Variants in PLCG2 observed in about 807,000 individuals in gnomAD.
PLCG2 encodes the protein 1-phosphatidylinositol 4,5-bisphosphate phosphodiesterase gamma-2.
PLCG2 carries 69 observed loss-of-function variants against 175.6 expected under a neutral mutation model. The observed-to-expected ratio is 0.39, with a 90% CI of 0.32 to 0.48. PLCG2 has a LOEUF of 0.48. Ranked by LOEUF, PLCG2 falls within the 20% of genes least tolerant of loss-of-function variation. PLCG2 has a pLI of 0.91. For missense variants in PLCG2, 1,798 were observed against 1,650.9 expected, an observed-to-expected ratio of 1.09 and a Z score of -1.54; for synonymous variants, 827 against 624.0, an observed-to-expected ratio of 1.33 and a Z score of -4.85.
chr16:81,922,245 TATGGCACTAACTCAC>T (rs1403328480), intron 21 of PLCG2, among the ~76,000 whole-genome samples: 3 of 152,236 alleles, frequency 2.0e-5, no homozygotes, highest in Non-Finnish European at 4.4e-5. Context: ...CATCATGCAC[TATGGCACTAACTCAC>T]ATTGATGGAT....
At chr16:81,854,417 A>C in intron 2 of PLCG2, 27 bp from the exon 3 acceptor site, 1 of 1,610,708 alleles carries the variant, frequency 6.2e-7, no homozygotes, top group Non-Finnish European at 8.5e-7. Flanking sequence ...TCCAGCTTCT[A>C]ATTGGCTCAT....
At chr16:81,776,091 T>C (rs571452351), upstream of PLCG2, among the ~76,000 whole-genome samples, 3 of 45,706 alleles carry the variant, frequency 6.6e-5, no homozygotes, top group Non-Finnish European at 1.7e-4. Flanking sequence ...CTCTCTCTCT[T>C]TCTTTCTTTT....
intron 31 of PLCG2, among the ~76,000 whole-genome samples, chr16:81,955,090 C>T (rs908567990): frequency 9.9e-5 from 15 of 152,202 alleles, no homozygotes; most frequent in African/African-American, 3.6e-4. Context: ...CCCAATGCCT[C>T]ACTTGATACA....
In PLCG2 at chr16:81,891,525, C is replaced by G; in HGVS notation, c.921C>G (p.Asp307Glu). 6.2e-7 allele frequency: 1 copy of G among 1,612,406 alleles called. No individual in the cohort carries two copies. The highest frequency in any genetic ancestry group is 1.1e-5 in the South Asian group (1 of 91,052). The change falls in exon 11 of 33, where the codon GAC (aspartate) becomes GAG (glutamate). Residue 307 changes from aspartate (D) to glutamate (E), a missense_variant. By Grantham distance (45) the Asp-to-Glu change is conservative (BLOSUM62 2). Coordinates refer to ENST00000564138, the MANE Select transcript of PLCG2 (RefSeq NM_002661.5). ...ACAGCATCTGGGATGAGAAGTATGA[C>G]GCGGTGGACATGCAGGACATGAACA... ...RENSIWDEKYDAVDMQDMNNP... is the reference protein window; with the variant it reads ...RENSIWDEKYEAVDMQDMNNP...
intron 13 of PLCG2, among the ~76,000 whole-genome samples, chr16:81,899,270 G>GTGTGTGTGTATATATATATATATATATA (rs1452614407): frequency 6.8e-6 from 1 of 147,660 alleles, no homozygotes; most frequent in African/African-American, 2.5e-5. Flanking sequence ...GAGTATGTGT[G>GTGTGTGTGTATATATATATATATATATA]TATATATATA....
At chr16:81,796,624 G>A (rs1397631587) in intron 2 of PLCG2, among the ~76,000 whole-genome samples, 3 of 152,234 alleles carry the variant, frequency 2.0e-5, no homozygotes, top group Non-Finnish European at 4.4e-5. Context: ...GATGTAATTA[G>A]TTGAGATGAA....
chr16:81,763,792 C>T (rs185984325), intron 2 of PLCG2, among the ~76,000 whole-genome samples: 9 of 151,380 alleles, frequency 5.9e-5, no homozygotes, highest in African/African-American at 1.5e-4. Context: ...CATGGTGAAA[C>T]CCCATCTCTA....
At chr16:81,920,321 G>A (rs771728225) in intron 20 of PLCG2, among the ~76,000 whole-genome samples, 10 of 152,150 alleles carry the variant, frequency 6.6e-5, no homozygotes, top group South Asian at 2.1e-4. Flanking sequence ...ATGGCATCCC[G>A]ATCATGTGCC....
At chr16:81,955,266 G>A (rs1411636921) in intron 31 of PLCG2, among the ~76,000 whole-genome samples, 1 of 152,208 alleles carries the variant, frequency 6.6e-6, no homozygotes, top group Non-Finnish European at 1.5e-5. Flanking sequence ...ACCTTGCAGA[G>A]TATGGTCTGA....
intron 1 of PLCG2, among the ~76,000 whole-genome samples, chr16:81,779,703 G>A (rs1052849795): frequency 6.6e-6 from 1 of 152,020 alleles, no homozygotes; most frequent in African/African-American, 2.4e-5. Flanking sequence ...AATGGGGACC[G>A]GGAGGAAGGT....
rs370697615 is a variant in PLCG2, at chr16:81,891,493, C to T, written c.889C>T (p.Arg297Ter). 2 of 1,605,428 alleles carry T rather than the reference C, an allele frequency of 1.2e-6. No individual in the cohort carries two copies. Among genetic ancestry groups the T allele is most frequent in the Non-Finnish European group, 1.7e-6 (2 of 1,172,108 alleles). ...TTAGTTCCTCACGTACCTGTTTTCA[C>T]GAGAAAACAGCATCTGGGATGAGAA... ...VDEFLTYLFS[R>*]ENSIWDEKYD... The change falls in exon 11 of 33, where the codon CGA becomes TGA. Residue 297 changes from arginine to a stop codon, truncating the protein, a stop_gained. Coordinates refer to ENST00000564138, the MANE Select transcript of PLCG2 (RefSeq NM_002661.5). LOFTEE classifies it high-confidence loss of function.
Position 81,752,385 on chromosome 16 carries a change from G to A in PLCG2, c.-144-3485G>A, listed in dbSNP as rs535921930. Among the ~76,000 whole-genome samples the A allele has an allele frequency of 2.3e-4, 35 of 152,328 alleles. No individual in the cohort carries two copies. In the South Asian group the frequency reaches 6.6e-3, roughly 29 times the overall value. On this transcript the variant is annotated intron_variant, in intron 1 of 5. Coordinates refer to the PLCG2 transcript ENST00000565054. ...ACAGGGAGGGGACTGTGAGGGTTGG[G>A]ACACGTCCTCTTTTAAGGCTCTCTC...
chr16:81,876,696 G>A (rs775186404), intron 7 of PLCG2, among the ~76,000 whole-genome samples: 22 of 152,344 alleles, frequency 1.4e-4, no homozygotes, highest in Non-Finnish European at 4.4e-5. Flanking sequence ...TGTTTCTCCT[G>A]ACCTCACTGG....
chr16:81,928,851 A>G, intron 24 of PLCG2: 2 of 478,190 alleles, frequency 4.2e-6, no homozygotes, highest in South Asian at 9.3e-5. Context: ...TCTCGTACAT[A>G]AGTGCTAGAT....
intron 13 of PLCG2, chr16:81,898,086 C>G (rs994713076): frequency 4.9e-5 from 14 of 282,988 alleles, no homozygotes; most frequent in African/African-American, 3.2e-4. Context: ...AGCTTACACT[C>G]TGCTTTGAGA....
At chr16:81,947,641 G>C (rs561955676) in intron 31 of PLCG2, among the ~76,000 whole-genome samples, 1 of 152,326 alleles carries the variant, frequency 6.6e-6, no homozygotes, top group Admixed American at 6.5e-5. Flanking sequence ...AACCTTTGCT[G>C]AGATAGAGTT....
intron 2 of PLCG2, among the ~76,000 whole-genome samples, chr16:81,758,606 A>G (rs1205797859): frequency 6.6e-6 from 1 of 150,612 alleles, no homozygotes; most frequent in East Asian, 1.9e-4. Context: ...AACATTTACT[A>G]CTCCCACCAG....
Position 81,873,991 on chromosome 16 carries a change from CTCTGGGG to C in PLCG2, c.648+3058_648+3064del, listed in dbSNP as rs541953281. Among the ~76,000 whole-genome samples, 57 of 152,224 alleles carry C rather than the reference CTCTGGGG, an allele frequency of 3.7e-4. 1 individual carries two copies. The South Asian group carries it at 0.012, about 32-fold the overall frequency. On this transcript the variant is annotated intron_variant, in intron 7 of 32. Coordinates refer to ENST00000564138, the MANE Select transcript of PLCG2 (RefSeq NM_002661.5). ...CAGAGTTTTACAAAATGTCAGAACC[CTCTGGGG>C]TGCCCTAGATTGCCCCGTGTGGAAC... is the stretch of plus-strand genomic sequence containing the variant.
intron 13 of PLCG2, 95 bp downstream of exon 13, chr16:81,896,022 C>G: frequency 1.4e-6 from 2 of 1,467,736 alleles, no homozygotes; most frequent in South Asian, 1.2e-5. Context: ...ACACAGACAC[C>G]TCCCTCCAAA....
Sources: gnomAD v4.1 joint callset for allele counts (sites outside exome capture counted in the v4.1 genomes callset) on GRCh38, gnomAD v4.1.1 for gene constraint, MANE v1.5 for transcripts, NCBI Gene and HGNC (gene_info 2026-07-23, HGNC 2026-07-21) for gene names.